PABPC4L: variants seen among roughly 807,000 people sequenced by gnomAD.
The protein encoded by PABPC4L is poly(A) binding protein cytoplasmic 4 like.
For missense variants in PABPC4L, 452 were observed against 451.4 expected, an observed-to-expected ratio of 1.00 and a Z score of -0.01; for synonymous variants, 169 against 164.1, an observed-to-expected ratio of 1.03 and a Z score of -0.23.
chr4:134,047,485 G>A, the PABPC4L span, among the ~76,000 whole-genome samples: 1 of 152,114 alleles, frequency 6.6e-6, no homozygotes, highest in East Asian at 1.9e-4. Flanking sequence ...GAATTGAGGT[G>A]AAATAATTAT....
At chr4:134,027,970 G>A in the PABPC4L span, among the ~76,000 whole-genome samples, 1,433 of 152,202 alleles carry the variant, frequency 9.4e-3, 17 homozygotes, top group Non-Finnish European at 0.013. Context: ...AAGTTACTAA[G>A]TTTTTGAGAG....
chr4:134,021,961 C>G, the PABPC4L span, among the ~76,000 whole-genome samples: 1 of 152,168 alleles, frequency 6.6e-6, no homozygotes, highest in African/African-American at 2.4e-5. Flanking sequence ...CTTTATTCTC[C>G]ACAATACTAA....
At chr4:134,132,546 A>C in the PABPC4L span, among the ~76,000 whole-genome samples, 1 of 151,972 alleles carries the variant, frequency 6.6e-6, no homozygotes, top group Non-Finnish European at 1.5e-5. Context: ...GGCAATAATA[A>C]GAGAATAAAA....
chr4:134,152,974 A>G, the PABPC4L span, among the ~76,000 whole-genome samples: 1 of 152,054 alleles, frequency 6.6e-6, no homozygotes, highest in Non-Finnish European at 1.5e-5. Flanking sequence ...TTTTAACAAC[A>G]AGCTCTGGAA....
the PABPC4L span, among the ~76,000 whole-genome samples, chr4:133,964,850 C>A: frequency 6.6e-6 from 1 of 152,158 alleles, no homozygotes; most frequent in Non-Finnish European, 1.5e-5. Flanking sequence ...GACAAGCCCA[C>A]AGCCAACATT....
At chr4:134,086,114 G>A in the PABPC4L span, among the ~76,000 whole-genome samples, 13 of 151,114 alleles carry the variant, frequency 8.6e-5, no homozygotes, top group East Asian at 2.3e-3. Context: ...ATAAACAGTA[G>A]CATTTCACTG....
chr4:134,049,753 G>A, the PABPC4L span, among the ~76,000 whole-genome samples: 1 of 152,172 alleles, frequency 6.6e-6, no homozygotes, highest in Non-Finnish European at 1.5e-5. Context: ...AAAAGATGTT[G>A]TTTAAGTGAA....
At chr4:133,951,318 A>G in the PABPC4L span, among the ~76,000 whole-genome samples, 3 of 152,144 alleles carry the variant, frequency 2.0e-5, no homozygotes, top group African/African-American at 7.2e-5. Context: ...AACTGGCTGG[A>G]TTCAAGCAAG....
chr4:133,994,356 G>A, the PABPC4L span, among the ~76,000 whole-genome samples: 1 of 152,062 alleles, frequency 6.6e-6, no homozygotes, highest in Non-Finnish European at 1.5e-5. Flanking sequence ...AATAACAGTG[G>A]CCATTATTAG....
the PABPC4L span, among the ~76,000 whole-genome samples, chr4:133,975,886 A>G: frequency 2.9e-4 from 44 of 152,276 alleles, no homozygotes; most frequent in Admixed American, 6.5e-4. Flanking sequence ...GAGAAAGCCC[A>G]GGAGAAAATT....
rs1560839494 is a variant in PABPC4L at position 134,200,150 on chromosome 4, G to A, written c.870C>T (p.Cys290=). Reference sequence around the variant, plus strand: ...TCTTAATATAGAGTTTTACCCCCTGGCACCCACGAATTCGTTCCCTTTTCA... The same window carrying A: ...TCTTAATATAGAGTTTTACCCCCTGACACCCACGAATTCGTTCCCTTTTCA... ...EQLKRERIRG[C]QGVKLYIKNL... Residue 290 remains cysteine, a synonymous_variant, in exon 2 of 2, where the codon TGC becomes TGT. Coordinates refer to ENST00000421491, the MANE Select transcript of PABPC4L (RefSeq NM_001114734.2). The A allele has an allele frequency of 3.9e-6, 6 of 1,551,550 alleles. No homozygotes were observed. Among genetic ancestry groups the A allele is most frequent in the Non-Finnish European group, 5.2e-6 (6 of 1,146,958 alleles).
chr4:133,973,779 T>C, the PABPC4L span, among the ~76,000 whole-genome samples: 1 of 152,160 alleles, frequency 6.6e-6, no homozygotes, highest in South Asian at 2.1e-4. Context: ...TCAAAAACAG[T>C]CAGCTGCCAT....
At chr4:134,133,245 A>G in the PABPC4L span, among the ~76,000 whole-genome samples, 319 of 137,490 alleles carry the variant, frequency 2.3e-3, 2 homozygotes, top group African/African-American at 8.1e-3. Context: ...AATATTACAT[A>G]ATATTATATA....
the PABPC4L span, among the ~76,000 whole-genome samples, chr4:134,052,698 T>A: frequency 1.3e-5 from 2 of 148,852 alleles, no homozygotes; most frequent in African/African-American, 2.5e-5. Flanking sequence ...ATCTCCAATT[T>A]AAAAAAAAAA....
chr4:134,184,183 A>T, the PABPC4L span, among the ~76,000 whole-genome samples: 1 of 151,944 alleles, frequency 6.6e-6, no homozygotes, highest in Non-Finnish European at 1.5e-5. Flanking sequence ...CAAACATAGA[A>T]CAAATAGGGG....
the PABPC4L span, among the ~76,000 whole-genome samples, chr4:133,988,997 T>A: frequency 6.2e-4 from 95 of 152,218 alleles, no homozygotes; most frequent in Non-Finnish European, 1.2e-3. Flanking sequence ...GTGGTATGAG[T>A]TGACCTTGGA....
At chr4:134,050,051 T>A in the PABPC4L span, among the ~76,000 whole-genome samples, 1 of 152,174 alleles carries the variant, frequency 6.6e-6, no homozygotes, top group Non-Finnish European at 1.5e-5. Context: ...ATGTTGTGAT[T>A]AACTGATGTG....
the PABPC4L span, among the ~76,000 whole-genome samples, chr4:134,079,578 CAAAAAAAAAAAAAAAAAAAA>C: frequency 2.2e-5 from 2 of 90,686 alleles, no homozygotes; most frequent in Non-Finnish European, 4.3e-5. Context: ...GACTTCCTCT[CAAAAAAAAAAAAAAAAAAAA>C]AAAAAAAAAA....
At chr4:133,966,461 G>T in the PABPC4L span, among the ~76,000 whole-genome samples, 6 of 152,230 alleles carry the variant, frequency 3.9e-5, no homozygotes, top group South Asian at 1.2e-3. Flanking sequence ...CTGAGTATCT[G>T]CCCAGAGAAA....
Sources: allele counts gnomAD v4.1 joint callset (sites outside exome capture counted in the v4.1 genomes callset), GRCh38; gene constraint gnomAD v4.1.1; transcripts MANE v1.5; gene names NCBI Gene and HGNC (gene_info 2026-07-23, HGNC 2026-07-21).